The following FNDC3B variants were observed in gnomAD, a reference collection of about 807,000 sequenced individuals.
FNDC3B encodes the protein fibronectin type III domain containing 3B.
Under a neutral mutation model 151.5 loss-of-function variants are expected in FNDC3B, and 12 were observed. That is an observed-to-expected ratio of 0.08 (90% CI 0.05 to 0.13). The LOEUF (loss-of-function observed/expected upper bound fraction) is 0.13. Among genes scored for constraint, FNDC3B ranks in the 10% least tolerant of loss-of-function variants. FNDC3B has a pLI of 1.00. For missense variants in FNDC3B, 1,214 were observed against 1,505.3 expected (o/e 0.81, Z 3.20); for synonymous variants, 528 against 549.0 (o/e 0.96, Z 0.54).
At chr3:172,206,497 A>AG (rs1725433127) in intron 3 of FNDC3B, among the ~76,000 whole-genome samples, 1 of 151,996 alleles carries the variant, frequency 6.6e-6, no homozygotes, top group Non-Finnish European at 1.5e-5. Flanking sequence ...TGTCTCTACT[A>AG]AAAATACAAA....
intron 6 of FNDC3B, among the ~76,000 whole-genome samples, chr3:172,275,195 G>T (rs1351112253): frequency 6.6e-6 from 1 of 152,114 alleles, no homozygotes; most frequent in East Asian, 1.9e-4. Context: ...GTGAAATATG[G>T]CTACTAAGTG....
At chr3:172,142,762 T>C (rs1721691108) in intron 3 of FNDC3B, among the ~76,000 whole-genome samples, 1 of 152,202 alleles carries the variant, frequency 6.6e-6, no homozygotes, top group Non-Finnish European at 1.5e-5. Flanking sequence ...CTTGTCTTAG[T>C]CTGTCTGGGC....
intron 22 of FNDC3B, among the ~76,000 whole-genome samples, chr3:172,356,044 T>A (rs1734079728): frequency 6.6e-6 from 1 of 152,230 alleles, no homozygotes; most frequent in South Asian, 2.1e-4. Context: ...TTTGTTTGTT[T>A]TGCTCATTTG....
intron 8 of FNDC3B, among the ~76,000 whole-genome samples, chr3:172,296,198 G>A (rs1730593811): frequency 6.6e-6 from 1 of 152,198 alleles, no homozygotes; most frequent in Admixed American, 6.5e-5. Flanking sequence ...TGTTTTAACT[G>A]CTTGTTTGGC....
Position 172,319,332 on chromosome 3 carries a change from C to A in FNDC3B, c.1254+8451C>A, listed in dbSNP as rs549703773. On this transcript the variant is annotated intron_variant, in intron 11 of 25. Coordinates refer to ENST00000415807, the MANE Select transcript of FNDC3B (RefSeq NM_022763.4). ...CTCCCTTGCTCCCCCTTCCCTGAGA[C>A]AGTCTTAACACATCGATCCTCTCAA... Among the ~76,000 whole-genome samples, 3 of 152,290 alleles carry A rather than the reference C, an allele frequency of 2.0e-5. No individual in the cohort carries two copies. In the East Asian group the frequency reaches 5.8e-4, roughly 29 times the overall value.
At chr3:172,244,617 C>CTTTTTTTTTTTTT (rs11294678) in intron 4 of FNDC3B, among the ~76,000 whole-genome samples, 5 of 73,066 alleles carry the variant, frequency 6.8e-5, no homozygotes, top group South Asian at 6.0e-4. Context: ...AATATTTCAC[C>CTTTTTTTTTTTTT]TTTTTTTTTT....
intron 3 of FNDC3B, among the ~76,000 whole-genome samples, chr3:172,201,107 C>G (rs1393620798): frequency 6.6e-6 from 1 of 152,132 alleles, no homozygotes; most frequent in East Asian, 1.9e-4. Context: ...TATCTTATTC[C>G]TGTTTGAATA....
At chr3:172,172,695 A>G in intron 3 of FNDC3B, among the ~76,000 whole-genome samples, 1 of 152,224 alleles carries the variant, frequency 6.6e-6, no homozygotes, top group East Asian at 1.9e-4. Context: ...TAACATAAAT[A>G]TATAGGTTTA....
At chr3:172,172,891 G>A (rs1020154824) in intron 3 of FNDC3B, among the ~76,000 whole-genome samples, 1 of 152,156 alleles carries the variant, frequency 6.6e-6, no homozygotes, top group Non-Finnish European at 1.5e-5. Flanking sequence ...AAGTTTAGGA[G>A]TGAGTTACTT....
chr3:172,233,738 T>C (rs1339910929), intron 4 of FNDC3B, among the ~76,000 whole-genome samples: 1 of 152,208 alleles, frequency 6.6e-6, no homozygotes, highest in Non-Finnish European at 1.5e-5. Flanking sequence ...CCCTATGCCC[T>C]GAGAAACTGA....
intron 4 of FNDC3B, among the ~76,000 whole-genome samples, chr3:172,228,633 G>C (rs1175998715): frequency 6.6e-6 from 1 of 152,220 alleles, no homozygotes; most frequent in Admixed American, 6.5e-5. Context: ...ACACTCGCTT[G>C]TATGAAACTG....
At chr3:172,291,471 A>G (rs1730335643) in intron 7 of FNDC3B, among the ~76,000 whole-genome samples, 1 of 152,074 alleles carries the variant, frequency 6.6e-6, no homozygotes, top group African/African-American at 2.4e-5. Context: ...GGAATGATTT[A>G]TAATTAGTAT....
chr3:172,281,932 A>G (rs1874257), intron 6 of FNDC3B, among the ~76,000 whole-genome samples: 81,755 of 151,960 alleles, frequency 0.54, 25,354 homozygotes, highest in African/African-American at 0.87. Context: ...AAAAAAGAAA[A>G]CATGCCACCA....
intron 8 of FNDC3B, among the ~76,000 whole-genome samples, chr3:172,297,641 A>ATT (rs1487321027): frequency 2.6e-5 from 4 of 151,882 alleles, no homozygotes; most frequent in Admixed American, 2.6e-4. Flanking sequence ...CGCCCGGCTA[A>ATT]TTTTTTGTAT....
intron 3 of FNDC3B, among the ~76,000 whole-genome samples, chr3:172,187,821 T>C: frequency 6.6e-6 from 1 of 152,122 alleles, no homozygotes; most frequent in East Asian, 1.9e-4. Flanking sequence ...GATTTCGCCA[T>C]GTTGCCTAGT....
chr3:172,154,835 C>T (rs1020960780), intron 3 of FNDC3B, among the ~76,000 whole-genome samples: 1 of 152,104 alleles, frequency 6.6e-6, no homozygotes, highest in Non-Finnish European at 1.5e-5. Context: ...CTGTCTCCTG[C>T]TTTTGAGCCT....
chr3:172,093,480 G>A (rs535433638), intron 1 of FNDC3B, among the ~76,000 whole-genome samples: 58 of 151,720 alleles, frequency 3.8e-4, no homozygotes, highest in African/African-American at 1.1e-3. Context: ...GGATGGTCTC[G>A]ATCTCCTGAC....
intron 2 of FNDC3B, among the ~76,000 whole-genome samples, chr3:172,114,894 A>T (rs1376141735): frequency 6.6e-6 from 1 of 152,206 alleles, no homozygotes; most frequent in Non-Finnish European, 1.5e-5. Context: ...CACAAGAAGG[A>T]ACTGTTTTGT....
intron 4 of FNDC3B, among the ~76,000 whole-genome samples, chr3:172,245,831 A>G (rs1195314310): frequency 6.6e-6 from 1 of 152,200 alleles, no homozygotes; most frequent in East Asian, 1.9e-4. Context: ...CTCACTAGGA[A>G]TCTTAATTTT....
Sources: gnomAD v4.1 joint callset for allele counts (sites outside exome capture counted in the v4.1 genomes callset) on GRCh38, gnomAD v4.1.1 for gene constraint, MANE v1.5 for transcripts, NCBI Gene and HGNC (gene_info 2026-07-23, HGNC 2026-07-21) for gene names.